Variants in MPHOSPH9 observed in about 807,000 individuals in gnomAD.
The protein encoded by MPHOSPH9 is M-phase phosphoprotein 9.
A neutral mutation model predicts 145.5 loss-of-function variants in MPHOSPH9; 88 were observed. The ratio of observed to expected loss-of-function variants is 0.60; its 90% CI spans 0.51 to 0.72. The LOEUF (loss-of-function observed/expected upper bound fraction) is 0.72, where lower values mean the gene tolerates loss of function less well. MPHOSPH9 is among the 30% of genes least tolerant of loss of function. The probability of loss-of-function intolerance (pLI) is 0.00; values close to 1 mark genes in which losing one functional copy is unlikely to be tolerated. For synonymous variants in MPHOSPH9, 435 were observed against 486.2 expected, an observed-to-expected ratio of 0.89 and a Z score of 1.39; for missense variants, 1,238 against 1,386.6, an observed-to-expected ratio of 0.89 and a Z score of 1.70.
intron 13 of MPHOSPH9, among the ~76,000 whole-genome samples, chr12:123,186,594 C>G (rs1454311174): frequency 2.0e-5 from 3 of 152,126 alleles, no homozygotes; most frequent in African/African-American, 7.2e-5. Flanking sequence ...CAGTTAGGAT[C>G]TAGATCTTCA....
At position 123,221,523 on chromosome 12, in the gene MPHOSPH9, C is replaced by G. The variant is rs1256226077; in HGVS notation, c.721G>C (p.Asp241His). 2 of 1,614,068 alleles carry G rather than the reference C, an allele frequency of 1.2e-6. No homozygotes were observed. The highest frequency in any genetic ancestry group is 2.7e-5 in the African/African-American group (2 of 74,922). Residue 241 changes from aspartate to histidine, a missense_variant, in exon 5 of 24, where the codon GAT becomes CAT. Physicochemically the swap from Asp to His is moderately conservative, Grantham distance 81 (BLOSUM62 -1). Around this residue, in one of 3 missense-constraint regions of MPHOSPH9, gnomAD observed 837 missense variants for 897.5 expected, o/e 0.93. Transcript: ENST00000606320. ...APAVPAESLVDGVKNENFYIQ... is the reference protein window; with the variant it reads ...APAVPAESLVHGVKNENFYIQ... ...TAAAAATTCTCATTTTTCACACCAT[C>G]TACAAGTGACTCAGCCGGCACCGCA...
chr12:123,239,334 C>A (rs2047894756), intron 1 of MPHOSPH9, among the ~76,000 whole-genome samples: 1 of 152,156 alleles, frequency 6.6e-6, no homozygotes, highest in Non-Finnish European at 1.5e-5. Flanking sequence ...ATATACATTT[C>A]ATCATTTATT....
intron 7 of MPHOSPH9, among the ~76,000 whole-genome samples, chr12:123,214,288 C>T (rs1013241128): frequency 6.6e-6 from 1 of 152,116 alleles, no homozygotes; most frequent in Non-Finnish European, 1.5e-5. Flanking sequence ...CCTGTAATCC[C>T]AGCACTTTGA....
At chr12:123,231,491 A>G (rs1449322844) in intron 1 of MPHOSPH9, among the ~76,000 whole-genome samples, 1 of 152,164 alleles carries the variant, frequency 6.6e-6, no homozygotes, top group Non-Finnish European at 1.5e-5. Context: ...TTTGAACTAT[A>G]TATATGGTCT....
At chr12:123,243,429 C>G (rs1477679048) in intron 1 of MPHOSPH9, among the ~76,000 whole-genome samples, 5 of 151,748 alleles carry the variant, frequency 3.3e-5, no homozygotes, top group Admixed American at 6.6e-5. Context: ...ACTTGGGAGG[C>G]TGAGGCAGGA....
intron 4 of MPHOSPH9, 71 bp from the exon 5 acceptor site, chr12:123,221,966 A>T: frequency 1.3e-6 from 1 of 790,618 alleles, no homozygotes; most frequent in Non-Finnish European, 1.9e-6. Flanking sequence ...CTGTTACAAG[A>T]ATATCATGTT....
rs1200483696 is a variant in MPHOSPH9, at chr12:123,161,201, C to T, written c.3316G>A (p.Ala1106Thr). 3 of 1,614,032 alleles carry T rather than the reference C, an allele frequency of 1.9e-6. No homozygotes were observed. Among genetic ancestry groups the T allele is most frequent in the Non-Finnish European group, 2.5e-6 (3 of 1,180,028 alleles). The change falls in exon 22 of 24, where the codon GCA (alanine) becomes ACA (threonine). Residue 1106 changes from alanine (A) to threonine (T), a missense_variant. Transcript: ENST00000606320. ...GTTTCAGCTAGGGTCCGAATTTTTG[C>T]TGTATATTCAAAATCATTCCCCTGT... ...TPQGNDFEYT[A>T]KIRTLAETER...
At chr12:123,236,605 AAG>A (rs963813447), upstream of MPHOSPH9, among the ~76,000 whole-genome samples, 2 of 151,694 alleles carry the variant, frequency 1.3e-5, no homozygotes, top group Non-Finnish European at 2.9e-5. Flanking sequence ...AAAAAAAAAA[AAG>A]AAGAAGAAAC....
chr12:123,190,895 T>C (rs963760337), intron 13 of MPHOSPH9, among the ~76,000 whole-genome samples: 1 of 152,202 alleles, frequency 6.6e-6, no homozygotes, highest in African/African-American at 2.4e-5. Flanking sequence ...ATGTTGTATA[T>C]GATAAATGCA....
intron 3 of MPHOSPH9, among the ~76,000 whole-genome samples, chr12:123,226,503 A>T (rs1262609997): frequency 6.6e-6 from 1 of 151,898 alleles, no homozygotes; most frequent in African/African-American, 2.4e-5. Context: ...TTATCCTATG[A>T]AATAAAATTT....
Position 123,163,091 on chromosome 12 carries a change from A to C in MPHOSPH9, c.2952T>G (p.Ser984Arg). Residue 984 changes from serine (S) to arginine (R), a missense_variant, in exon 20 of 24, where the codon AGT becomes AGG. Transcript: ENST00000606320. ...IMLTPVTVAY[S>R]PKRSPKENLS... Reference sequence around the variant, plus strand: ...AGTTTTCTTTAGGGGATCGCTTTGGACTATAAGCCACAGTCACTGGTGTTA... The same window carrying C: ...AGTTTTCTTTAGGGGATCGCTTTGGCCTATAAGCCACAGTCACTGGTGTTA... 1.3e-6 allele frequency: 2 copies of C among 1,591,922 alleles called. No individual in the cohort carries two copies.
At position 123,218,235 on chromosome 12, in the gene MPHOSPH9, A is replaced by G. The variant is rs900999537; in HGVS notation, c.996+141T>C. On this transcript the variant is annotated intron_variant, in intron 6 of 23. Transcript: ENST00000606320. ...CCATAAGAGCGAAACTCCGTCTCAA[A>G]AAAACAACAACAAAAAAAATGTATA... The G allele has an allele frequency of 6.4e-6, 8 of 1,258,132 alleles. No homozygotes were observed. The Admixed American group carries it at 8.0e-5, about 13-fold the overall frequency. The allele number at this position is 1,258,132 out of a possible 1,614,324, so 77.9% of individuals were successfully genotyped here.
At chr12:123,212,766 C>CTTT (rs769159602) in intron 7 of MPHOSPH9, among the ~76,000 whole-genome samples, 51,219 of 93,670 alleles carry the variant, frequency 0.55, 16,111 homozygotes, top group Non-Finnish European at 0.7. Context: ...CAATGGTCGA[C>CTTT]TTTTTTTTTT....
intron 13 of MPHOSPH9, among the ~76,000 whole-genome samples, chr12:123,184,931 G>A (rs1333396497): frequency 6.6e-6 from 1 of 152,114 alleles, no homozygotes; most frequent in Non-Finnish European, 1.5e-5. Flanking sequence ...TGCCTCCCGA[G>A]TAGCTGGGAT....
intron 4 of MPHOSPH9, 121 bp downstream of exon 4, chr12:123,222,917 C>T (rs144160317): frequency 1.2e-5 from 7 of 596,518 alleles, no homozygotes; most frequent in Admixed American, 1.1e-4. Context: ...ACCTGGGCAA[C>T]AAGAGTGAGA....
At chr12:123,197,031 GTTTTTTTTTTTT>G (rs56061451) in intron 12 of MPHOSPH9, among the ~76,000 whole-genome samples, 13 of 73,004 alleles carry the variant, frequency 1.8e-4, no homozygotes, top group Admixed American at 3.5e-4. Flanking sequence ...AGGGGTGTGG[GTTTTTTTTTTTT>G]TTTTTTTTTT....
Position 123,202,821 on chromosome 12 carries a change from G to C in MPHOSPH9, c.1584C>G (p.Asn528Lys). The change falls in exon 10 of 24, where the codon AAC (asparagine) becomes AAG (lysine). Residue 528 changes from asparagine (N) to lysine (K), a missense_variant. Coordinates refer to ENST00000606320, the MANE Select transcript of MPHOSPH9 (RefSeq NM_022782.4). ...VDSWKNQTFQ[N>K]ESRTSSTFPS... Reference sequence around the variant, plus strand: ...GAAACGTGGAACTGGTCCTACTTTCGTTTTGGAATGTCTGATTTTTCCAAG... The same window carrying C: ...GAAACGTGGAACTGGTCCTACTTTCCTTTTGGAATGTCTGATTTTTCCAAG... 6.2e-7 allele frequency: 1 copy of C among 1,614,094 alleles called. No individual in the cohort carries two copies. Among genetic ancestry groups the C allele is most frequent in the Admixed American group, 1.7e-5 (1 of 59,990 alleles).
At chr12:123,213,126 T>TG (rs1478474084) in intron 7 of MPHOSPH9, among the ~76,000 whole-genome samples, 1 of 152,068 alleles carries the variant, frequency 6.6e-6, no homozygotes, top group Non-Finnish European at 1.5e-5. Flanking sequence ...CCCAAAGTGC[T>TG]GGGATTACAA....
intron 1 of MPHOSPH9, among the ~76,000 whole-genome samples, chr12:123,243,529 C>T (rs1458684619): frequency 8.5e-6 from 1 of 117,794 alleles, no homozygotes; most frequent in Admixed American, 8.4e-5. Context: ...GACTCCGTCT[C>T]AAAAAAAAAA....
Sources: allele counts gnomAD v4.1 joint callset (sites outside exome capture counted in the v4.1 genomes callset), GRCh38; gene constraint gnomAD v4.1.1; regional missense constraint gnomAD v4.1.1; transcripts MANE v1.5; gene names NCBI Gene and HGNC (gene_info 2026-07-23, HGNC 2026-07-21).